The following CACNA2D3 variants were observed in gnomAD, a reference collection of about 807,000 sequenced individuals.
The protein encoded by CACNA2D3 is calcium voltage-gated channel auxiliary subunit alpha2delta 3.
Under a neutral mutation model 160.6 loss-of-function variants are expected in CACNA2D3, and 60 were observed. The observed-to-expected ratio is 0.37, with a 90% CI of 0.30 to 0.46. CACNA2D3 has a LOEUF of 0.46. Ranked by LOEUF, CACNA2D3 falls within the 20% of genes least tolerant of loss-of-function variation. The probability of loss-of-function intolerance (pLI) is 1.00; values close to 1 mark genes in which losing one functional copy is unlikely to be tolerated. For synonymous variants in CACNA2D3, 558 were observed against 492.9 expected (o/e 1.13, Z -1.75); for missense variants, 1,205 against 1,365.0 (o/e 0.88, Z 1.85).
intron 5 of CACNA2D3, among the ~76,000 whole-genome samples, chr3:54,539,357 C>T (rs552208037): frequency 1.1e-4 from 17 of 152,338 alleles, no homozygotes; most frequent in African/African-American, 4.1e-4. Flanking sequence ...GCCCCTATTT[C>T]TCCTTCTCCT....
chr3:55,008,885 C>CCACACACGCACACACA (rs1559462256), intron 33 of CACNA2D3, among the ~76,000 whole-genome samples: 3 of 55,132 alleles, frequency 5.4e-5, no homozygotes, highest in African/African-American at 2.1e-4. Context: ...CCACCTCCCT[C>CCACACACGCACACACA]TATACACACA....
At chr3:54,345,380 A>C (rs1256993971) in intron 3 of CACNA2D3, among the ~76,000 whole-genome samples, 1 of 151,926 alleles carries the variant, frequency 6.6e-6, no homozygotes, top group Non-Finnish European at 1.5e-5. Context: ...TTTTCTTTAC[A>C]TTTTCTTCTT....
At chr3:54,863,918 G>C (rs1575517755) in intron 17 of CACNA2D3, among the ~76,000 whole-genome samples, 1 of 152,124 alleles carries the variant, frequency 6.6e-6, no homozygotes, top group Non-Finnish European at 1.5e-5. Context: ...CTTCCTGCTG[G>C]TTTTTGACAC....
intron 11 of CACNA2D3, among the ~76,000 whole-genome samples, chr3:54,751,939 G>C (rs139956507): frequency 6.6e-6 from 1 of 152,288 alleles, no homozygotes; most frequent in East Asian, 1.9e-4. Flanking sequence ...GTCATGCTTT[G>C]TTTCAAAGAG....
chr3:54,661,727 C>G (rs1447497974), intron 11 of CACNA2D3, among the ~76,000 whole-genome samples: 1 of 152,122 alleles, frequency 6.6e-6, no homozygotes, highest in Non-Finnish European at 1.5e-5. Context: ...CCAGTTTCCT[C>G]TTGCTGCAAT....
chr3:54,165,612 A>AAAG (rs1553741744), intron 2 of CACNA2D3, among the ~76,000 whole-genome samples: 3 of 129,732 alleles, frequency 2.3e-5, no homozygotes, highest in South Asian at 2.9e-4. Flanking sequence ...AAAAAAAAAA[A>AAAG]AAAAAAAGAA....
chr3:54,458,864 T>C (rs866371929), intron 4 of CACNA2D3, among the ~76,000 whole-genome samples: 4 of 152,228 alleles, frequency 2.6e-5, no homozygotes, highest in Middle Eastern at 3.4e-3. Flanking sequence ...GCTGGTGTGC[T>C]GCACCCATTA....
At chr3:54,198,335 A>T (rs1019379844) in intron 2 of CACNA2D3, among the ~76,000 whole-genome samples, 1 of 152,168 alleles carries the variant, frequency 6.6e-6, no homozygotes, top group African/African-American at 2.4e-5. Flanking sequence ...GGGCAGTTTC[A>T]TGTATCTTGA....
intron 17 of CACNA2D3, among the ~76,000 whole-genome samples, chr3:54,861,288 A>T (rs1463660937): frequency 6.6e-6 from 1 of 152,080 alleles, no homozygotes; most frequent in Admixed American, 6.5e-5. Context: ...GAAATTGACC[A>T]CGACCCTAAG....
intron 35 of CACNA2D3, among the ~76,000 whole-genome samples, chr3:55,029,057 G>C (rs1051075681): frequency 7.2e-5 from 11 of 152,262 alleles, no homozygotes; most frequent in African/African-American, 2.6e-4. Context: ...ATTTCCTGTT[G>C]AGGTCTCAAG....
rs185677992 is a variant in CACNA2D3 at position 54,465,340 on chromosome 3, A to G, written c.382-38152A>G. Among the ~76,000 whole-genome samples the G allele has an allele frequency of 3.3e-5, 5 of 152,302 alleles. No individual in the cohort carries two copies. The East Asian group carries it at 9.6e-4, about 29-fold the overall frequency. ...TTTTGAATTTGAGGGACAGAGAGCTAGCAAACAAGCACATTCACATTACTT... is the reference window on the plus strand; with the variant it reads ...TTTTGAATTTGAGGGACAGAGAGCTGGCAAACAAGCACATTCACATTACTT... On this transcript the variant is annotated intron_variant, in intron 4 of 37. Transcript: ENST00000474759.
chr3:54,906,879 A>G (rs1485357105), intron 27 of CACNA2D3, among the ~76,000 whole-genome samples: 1 of 152,232 alleles, frequency 6.6e-6, no homozygotes, highest in Non-Finnish European at 1.5e-5. Flanking sequence ...TTTAAAGTCT[A>G]CAGCAGAGTT....
chr3:54,950,354 A>T (rs1257183768), intron 27 of CACNA2D3, among the ~76,000 whole-genome samples: 1 of 152,162 alleles, frequency 6.6e-6, no homozygotes, highest in Non-Finnish European at 1.5e-5. Flanking sequence ...GCCCCTTTTA[A>T]TCTGCTGAGG....
chr3:54,338,407 C>T (rs1256534851), intron 3 of CACNA2D3, among the ~76,000 whole-genome samples: 1 of 151,548 alleles, frequency 6.6e-6, no homozygotes, highest in African/African-American at 2.4e-5. Context: ...ATACACTTGA[C>T]TTGAAAACAG....
chr3:54,347,246 G>A (rs891984666), intron 3 of CACNA2D3, among the ~76,000 whole-genome samples: 2 of 152,190 alleles, frequency 1.3e-5, no homozygotes, highest in African/African-American at 4.8e-5. Flanking sequence ...GGGAGGGAGT[G>A]GCTCAGGCCA....
chr3:54,526,873 TAG>T (rs773241382), intron 5 of CACNA2D3, among the ~76,000 whole-genome samples: 17 of 152,316 alleles, frequency 1.1e-4, no homozygotes, highest in South Asian at 6.2e-4. Flanking sequence ...GTATTTTTAG[TAG>T]AGACAGGGTT....
chr3:54,410,531 G>C (rs994807040), intron 4 of CACNA2D3, among the ~76,000 whole-genome samples: 1 of 152,036 alleles, frequency 6.6e-6, no homozygotes, highest in Non-Finnish European at 1.5e-5. Flanking sequence ...TCTACCATAC[G>C]TGTGCTCTAT....
chr3:54,122,808 G>C lies in CACNA2D3; in HGVS notation c.95G>C (p.Arg32Pro). ...LLYAALGDVV[R>P]SEQQIPLSVV... ...TACGCCGCGCTGGGGGACGTGGTGC[G>C]CTCGGAGCAGCAGATACCGCTCTCC... is the stretch of plus-strand genomic sequence containing the variant. The change falls in exon 1 of 38, where the codon CGC becomes CCC. Residue 32 changes from arginine to proline, a missense_variant. This residue lies in a region of CACNA2D3 where 163 missense variants were observed against 161.3 expected (regional missense o/e 1.01). Transcript: ENST00000474759. 1 of 1,232,194 alleles carries C rather than the reference G, an allele frequency of 8.1e-7. No individual in the cohort carries two copies. Among genetic ancestry groups the C allele is most frequent in the Non-Finnish European group, 1.0e-6 (1 of 982,530 alleles). The allele number at this position is 1,232,194 out of a possible 1,614,324, so 76.3% of individuals were successfully genotyped here. A position where few individuals can be genotyped will look rare whatever the true frequency, so the allele number is the denominator to read the frequency against.
At chr3:54,605,630 T>C (rs1698591864) in intron 9 of CACNA2D3, among the ~76,000 whole-genome samples, 1 of 152,174 alleles carries the variant, frequency 6.6e-6, no homozygotes, top group African/African-American at 2.4e-5. Context: ...TCTTTAAATT[T>C]ATTTGGTGTC....
Sources: allele counts gnomAD v4.1 joint callset (sites outside exome capture counted in the v4.1 genomes callset), GRCh38; gene constraint gnomAD v4.1.1; regional missense constraint gnomAD v4.1.1; transcripts MANE v1.5; gene names NCBI Gene and HGNC (gene_info 2026-07-23, HGNC 2026-07-21).